The following PRKAA2 variants were observed in gnomAD, a reference collection of about 807,000 sequenced individuals.
The protein encoded by PRKAA2 is 5'-AMP-activated protein kinase catalytic subunit alpha-2.
Under a neutral mutation model 56.3 loss-of-function variants are expected in PRKAA2, and 40 were observed. The ratio of observed to expected loss-of-function variants is 0.71; its 90% confidence interval spans 0.55 to 0.92. PRKAA2 has a LOEUF of 0.92. Among genes scored for constraint, PRKAA2 ranks in the 40% least tolerant of loss-of-function variants. The probability of loss-of-function intolerance (pLI) is 0.00; values close to 1 mark genes in which losing one functional copy is unlikely to be tolerated. For missense variants in PRKAA2, 542 were observed against 686.9 expected (o/e 0.79, Z 2.36); for synonymous variants, 214 against 234.2 (o/e 0.91, Z 0.79).
intron 6 of PRKAA2, among the ~76,000 whole-genome samples, chr1:56,700,942 A>G (rs930432745): frequency 6.6e-6 from 1 of 152,178 alleles, no homozygotes; most frequent in Non-Finnish European, 1.5e-5. Context: ...GGGCAACTTA[A>G]AAAGCCACAA....
chr1:56,713,783 A>G lies in PRKAA2; in HGVS notation c.*6070A>G, dbSNP rs1335647735. On this transcript the variant is annotated 3_prime_UTR_variant, in exon 9 of 9. Transcript: ENST00000371244. ...CACAGTTACACATTTAAGTTTTGCT[A>G]CCAAAAATGGCCATTTTTCTAGACA... The G allele has an allele frequency of 2.0e-5, 3 of 149,838 alleles. No individual in the cohort carries two copies. The highest frequency in any genetic ancestry group is 7.4e-5 in the African/African-American group (3 of 40,796). The allele number at this position is 149,838 out of a possible 1,614,324, so 9.3% of individuals were successfully genotyped here. A position where few individuals can be genotyped will look rare whatever the true frequency, so the allele number is the denominator to read the frequency against.
intron 1 of PRKAA2, among the ~76,000 whole-genome samples, chr1:56,665,404 GA>G (rs1233662142): frequency 2.6e-5 from 4 of 152,212 alleles, no homozygotes; most frequent in Admixed American, 2.6e-4. Context: ...TACAATGTAC[GA>G]GTACTTTTCT....
At chr1:56,678,499 G>T (rs1644130072) in intron 2 of PRKAA2, among the ~76,000 whole-genome samples, 1 of 152,076 alleles carries the variant, frequency 6.6e-6, no homozygotes, top group South Asian at 2.1e-4. Flanking sequence ...AATTACAAAT[G>T]AATGACCTAA....
At chr1:56,654,523 A>G (rs900587723) in intron 1 of PRKAA2, among the ~76,000 whole-genome samples, 1 of 152,214 alleles carries the variant, frequency 6.6e-6, no homozygotes, top group East Asian at 1.9e-4. Context: ...TTAAAGCATT[A>G]AATATGTTAT....
At chr1:56,679,025 TGG>T in intron 2 of PRKAA2, among the ~76,000 whole-genome samples, 1 of 152,156 alleles carries the variant, frequency 6.6e-6, no homozygotes, top group South Asian at 2.1e-4. Context: ...ATTTAACCTA[TGG>T]CCTGCTTTTT....
chr1:56,646,407 C>G (rs1226688952), intron 1 of PRKAA2, among the ~76,000 whole-genome samples: 1 of 152,162 alleles, frequency 6.6e-6, no homozygotes, highest in African/African-American at 2.4e-5. Context: ...TAAGGTCTGT[C>G]TTCATGGAGA....
intron 1 of PRKAA2, among the ~76,000 whole-genome samples, chr1:56,668,681 TTAAAA>T (rs1205949730): frequency 6.6e-6 from 1 of 152,098 alleles, no homozygotes; most frequent in Non-Finnish European, 1.5e-5. Context: ...ATATAATATA[TTAAAA>T]TAGAATGAGG....
chr1:56,690,189 A>G (rs1367049177), intron 2 of PRKAA2, among the ~76,000 whole-genome samples: 2 of 145,570 alleles, frequency 1.4e-5, no homozygotes, highest in Non-Finnish European at 3.0e-5. Context: ...TTTGAAGCGG[A>G]GTCTCGCTCT....
intron 7 of PRKAA2, among the ~76,000 whole-genome samples, chr1:56,705,263 ATCTC>A (rs1046686368): frequency 2.0e-5 from 3 of 152,162 alleles, no homozygotes; most frequent in African/African-American, 7.2e-5. Flanking sequence ...TAAAAAACAG[ATCTC>A]TCTGTTTTGG....
chr1:56,705,641 C>G (rs1010756983), intron 7 of PRKAA2, among the ~76,000 whole-genome samples: 1 of 152,140 alleles, frequency 6.6e-6, no homozygotes, highest in African/African-American at 2.4e-5. Flanking sequence ...CTCAGGCGGT[C>G]CACCCACCTT....
chr1:56,662,547 T>G (rs767289763), intron 1 of PRKAA2, among the ~76,000 whole-genome samples: 1 of 152,086 alleles, frequency 6.6e-6, no homozygotes, highest in African/African-American at 2.4e-5. Flanking sequence ...CCTCCCAAAG[T>G]GCTAGGATTG....
At chr1:56,668,159 T>G (rs554383815) in intron 1 of PRKAA2, among the ~76,000 whole-genome samples, 22 of 151,442 alleles carry the variant, frequency 1.5e-4, no homozygotes, top group Admixed American at 2.0e-4. Context: ...AAAAACAAAT[T>G]TTGTACACCA....
At chr1:56,647,666 A>G (rs1646654096) in intron 1 of PRKAA2, among the ~76,000 whole-genome samples, 1 of 152,154 alleles carries the variant, frequency 6.6e-6, no homozygotes, top group Non-Finnish European at 1.5e-5. Context: ...TAGGATTAGT[A>G]CAATTGTTAC....
intron 6 of PRKAA2, among the ~76,000 whole-genome samples, 187 bp from the exon 7 acceptor site, chr1:56,703,784 C>CT (rs1267217080): frequency 6.6e-6 from 1 of 152,184 alleles, no homozygotes; most frequent in Non-Finnish European, 1.5e-5. Context: ...AATGCCAAGT[C>CT]TTAATAACCA....
chr1:56,700,546 C>T (rs1644287248), intron 6 of PRKAA2, among the ~76,000 whole-genome samples: 1 of 152,166 alleles, frequency 6.6e-6, no homozygotes, highest in South Asian at 2.1e-4. Flanking sequence ...CTAATTTTTC[C>T]TTTTAAGTGT....
chr1:56,645,506 G>A, intron 1 of PRKAA2, 25 bp downstream of exon 1: 2 of 1,450,494 alleles, frequency 1.4e-6, no homozygotes, highest in Non-Finnish European at 9.2e-7. Context: ...CCGGACCGCT[G>A]TGCGGGGCTG....
At chr1:56,663,289 A>G (rs1416957828) in intron 1 of PRKAA2, among the ~76,000 whole-genome samples, 3 of 152,078 alleles carry the variant, frequency 2.0e-5, no homozygotes, top group African/African-American at 4.8e-5. Flanking sequence ...GGGTCTTGCT[A>G]TGTTGCCAGG....
intron 1 of PRKAA2, among the ~76,000 whole-genome samples, chr1:56,661,437 A>G (rs1643993615): frequency 6.6e-6 from 1 of 152,140 alleles, no homozygotes; most frequent in African/African-American, 2.4e-5. Context: ...ATAGAGACAG[A>G]ATTCTACTGT....
At chr1:56,686,940 A>C (rs1435058025) in intron 2 of PRKAA2, among the ~76,000 whole-genome samples, 1 of 148,896 alleles carries the variant, frequency 6.7e-6, no homozygotes. Context: ...GCTGGAGTGC[A>C]ATGGCGTGAT....
Sources: gnomAD v4.1 joint callset for allele counts (sites outside exome capture counted in the v4.1 genomes callset) on GRCh38, gnomAD v4.1.1 for gene constraint, MANE v1.5 for transcripts, NCBI Gene and HGNC (gene_info 2026-07-23, HGNC 2026-07-21) for gene names.